Variants in TENM2 observed in about 807,000 individuals in gnomAD.
TENM2 encodes the protein teneurin transmembrane protein 2.
In TENM2, 52 loss-of-function variants were observed where a neutral mutation model predicts 245.2. The observed-to-expected ratio is 0.21, with a 90% CI of 0.17 to 0.27. The LOEUF is 0.27. TENM2 is among the 10% of genes least tolerant of loss of function. The pLI, the probability that TENM2 is intolerant of heterozygous loss-of-function variation, is 1.00. For synonymous variants in TENM2, 1,363 were observed against 1,438.9 expected (o/e 0.95, Z 1.19); for missense variants, 3,046 against 3,666.8 (o/e 0.83, Z 4.37).
chr5:166,992,286 C>T, the TENM2 span, among the ~76,000 whole-genome samples: 34 of 152,040 alleles, frequency 2.2e-4, no homozygotes, highest in Non-Finnish European at 7.4e-5. Flanking sequence ...AATAGTTGTC[C>T]GCAAAAGCCT....
At chr5:167,087,262 G>T in the TENM2 span, among the ~76,000 whole-genome samples, 2 of 152,096 alleles carry the variant, frequency 1.3e-5, no homozygotes, top group Non-Finnish European at 2.9e-5. Context: ...TCTTTACATA[G>T]ATCTTTGCAT....
intron 2 of TENM2, among the ~76,000 whole-genome samples, chr5:167,674,740 C>T (rs1488572867): frequency 1.3e-5 from 2 of 152,012 alleles, no homozygotes; most frequent in Admixed American, 1.3e-4. Flanking sequence ...GTGGATCGTG[C>T]AAGAGTAACT....
chr5:167,589,356 A>G lies in TENM2; in HGVS notation c.502+213883A>G, dbSNP rs114285329. ...ATTTAACAATAGTTGAATATTATCA[A>G]ACTAGTAGTAAAGAAATTGGACTCT... On this transcript the variant is annotated intron_variant, in intron 2 of 28. Transcript: ENST00000518659. 8.5e-3 allele frequency among the ~76,000 whole-genome samples: 1,288 copies of G among 152,304 alleles called. 17 individuals carry two copies. The highest frequency in any genetic ancestry group is 0.029 in the African/African-American group (1,225 of 41,556).
chr5:167,353,488 G>T (rs12520270), intron 1 of TENM2, among the ~76,000 whole-genome samples: 101,497 of 116,152 alleles, frequency 0.87, 44,328 homozygotes, highest in Admixed American at 0.92. Flanking sequence ...GGTGTTTTTT[G>T]TTGTTGTTGT....
chr5:167,535,083 A>T (rs1477933557), intron 2 of TENM2, among the ~76,000 whole-genome samples: 1 of 151,960 alleles, frequency 6.6e-6, no homozygotes, highest in African/African-American at 2.4e-5. Flanking sequence ...AGTTGGGATA[A>T]CTTTTCAGTC....
intron 4 of TENM2, among the ~76,000 whole-genome samples, chr5:167,974,031 GGAAGGA>G (rs1366065134): frequency 4.7e-4 from 31 of 66,318 alleles, no homozygotes; most frequent in African/African-American, 2.9e-3. Context: ...GAGGAAGGAA[GGAAGGA>G]GAAGGAAGGA....
intron 12 of TENM2, among the ~76,000 whole-genome samples, chr5:168,159,258 G>T (rs1757529408): frequency 6.6e-6 from 1 of 152,168 alleles, no homozygotes; most frequent in Non-Finnish European, 1.5e-5. Flanking sequence ...GGTCATGATA[G>T]AACCTTTAGT....
chr5:168,118,423 G>A (rs1164333501), exon 10 of TENM2: 7 of 1,610,758 alleles, frequency 4.3e-6, no homozygotes, highest in Admixed American at 1.7e-5. Flanking sequence ...CGGGGGCCAC[G>A]GCTCCTGCAT....
At chr5:167,016,487 A>G in the TENM2 span, among the ~76,000 whole-genome samples, 1 of 152,318 alleles carries the variant, frequency 6.6e-6, no homozygotes. Context: ...AAAAGAATGC[A>G]TGAATTGACT....
At chr5:167,656,895 A>G (rs1195513089) in intron 2 of TENM2, among the ~76,000 whole-genome samples, 1 of 151,680 alleles carries the variant, frequency 6.6e-6, no homozygotes, top group Non-Finnish European at 1.5e-5. Context: ...TGTAATGTAT[A>G]GTGATCAAAT....
chr5:168,260,998 G>A (rs1489544808), intron 28 of TENM2, among the ~76,000 whole-genome samples: 1 of 152,160 alleles, frequency 6.6e-6, no homozygotes, highest in Non-Finnish European at 1.5e-5. Flanking sequence ...CCGGCGCTCA[G>A]CACTATCAAA....
intron 2 of TENM2, among the ~76,000 whole-genome samples, chr5:167,599,551 C>T (rs570426969): frequency 6.6e-5 from 10 of 152,230 alleles, no homozygotes; most frequent in Admixed American, 1.3e-4. Flanking sequence ...TGGCGGTCCC[C>T]GTGGCAAAAC....
At chr5:167,933,560 T>A (rs1316585226) in intron 3 of TENM2, among the ~76,000 whole-genome samples, 1 of 152,214 alleles carries the variant, frequency 6.6e-6, no homozygotes. Context: ...GGAATTATTA[T>A]ATCCACACAG....
At chr5:167,624,246 G>T (rs1315977050) in intron 2 of TENM2, among the ~76,000 whole-genome samples, 1 of 152,120 alleles carries the variant, frequency 6.6e-6, no homozygotes, top group Non-Finnish European at 1.5e-5. Context: ...CCATGAAAAA[G>T]AACAAAATTA....
At chr5:167,667,155 T>C (rs2150340491) in intron 2 of TENM2, among the ~76,000 whole-genome samples, 1 of 152,256 alleles carries the variant, frequency 6.6e-6, no homozygotes, top group East Asian at 1.9e-4. Context: ...CAAAAATAGC[T>C]CAATACTGAA....
chr5:167,373,631 C>T (rs1760573558), intron 1 of TENM2, among the ~76,000 whole-genome samples: 1 of 152,126 alleles, frequency 6.6e-6, no homozygotes, highest in South Asian at 2.1e-4. Context: ...AAGTAGTAAG[C>T]ACAAATAAAT....
At chr5:167,959,141 T>C (rs1780789893) in intron 4 of TENM2, among the ~76,000 whole-genome samples, 1 of 152,128 alleles carries the variant, frequency 6.6e-6, no homozygotes, top group Admixed American at 6.5e-5. Flanking sequence ...TTTGGCCCTT[T>C]CACATAGTCC....
At chr5:167,243,109 G>A in the TENM2 span, among the ~76,000 whole-genome samples, 9 of 152,012 alleles carry the variant, frequency 5.9e-5, no homozygotes, top group Admixed American at 1.3e-4. Context: ...GATAAAATTC[G>A]CATCTTACAG....
chr5:167,125,977 A>G, the TENM2 span, among the ~76,000 whole-genome samples: 1 of 152,218 alleles, frequency 6.6e-6, no homozygotes, highest in South Asian at 2.1e-4. Context: ...TCTTATTAAT[A>G]GTATATGTAC....
Sources: allele counts gnomAD v4.1 joint callset (sites outside exome capture counted in the v4.1 genomes callset), GRCh38; gene constraint gnomAD v4.1.1; transcripts MANE v1.5; gene names NCBI Gene and HGNC (gene_info 2026-07-23, HGNC 2026-07-21).